PRTFDC1: variants seen among roughly 807,000 people sequenced by gnomAD.
PRTFDC1 encodes the protein phosphoribosyl transferase domain containing 1, also known as phosphoribosyltransferase domain-containing protein 1.
In PRTFDC1, 38 loss-of-function variants were observed where a neutral mutation model predicts 34.6. That is an observed-to-expected ratio of 1.10 (90% confidence interval 0.85 to 1.44). The LOEUF is 1.44. Among genes scored for constraint, PRTFDC1 ranks in the 40% most tolerant of loss-of-function variants. The pLI, the probability that PRTFDC1 is intolerant of heterozygous loss-of-function variation, is 0.00. For missense variants in PRTFDC1, 270 were observed against 283.0 expected (o/e 0.95, Z 0.33); for synonymous variants, 93 against 98.1 (o/e 0.95, Z 0.31).
At chr10:24,940,644 C>T (rs1419460901) in intron 2 of PRTFDC1, among the ~76,000 whole-genome samples, 2 of 152,170 alleles carry the variant, frequency 1.3e-5, no homozygotes, top group Non-Finnish European at 2.9e-5. Context: ...AAATAATTGG[C>T]AGTTTCTTAC....
chr10:24,949,487 C>T (rs1588629697), intron 1 of PRTFDC1, among the ~76,000 whole-genome samples: 1 of 152,186 alleles, frequency 6.6e-6, no homozygotes, highest in South Asian at 2.1e-4. Context: ...TCCCTTCCCT[C>T]CTGCCTTACA....
At chr10:24,859,432 G>A (rs957096691) in intron 4 of PRTFDC1, among the ~76,000 whole-genome samples, 2 of 152,136 alleles carry the variant, frequency 1.3e-5, no homozygotes, top group African/African-American at 4.8e-5. Flanking sequence ...GCTAATTTTT[G>A]TATTTTTAGT....
At chr10:24,869,609 A>C (rs1472386174) in intron 4 of PRTFDC1, among the ~76,000 whole-genome samples, 1 of 152,182 alleles carries the variant, frequency 6.6e-6, no homozygotes, top group Non-Finnish European at 1.5e-5. Context: ...GTGTTATGCC[A>C]AGGCATATTG....
At chr10:24,938,220 C>T (rs1457581530) in intron 2 of PRTFDC1, among the ~76,000 whole-genome samples, 1 of 150,938 alleles carries the variant, frequency 6.6e-6, no homozygotes, top group East Asian at 2.0e-4. Flanking sequence ...CAGAGCAAGG[C>T]TCCTTCTCAA....
At chr10:24,916,679 C>A (rs1848701024) in intron 3 of PRTFDC1, among the ~76,000 whole-genome samples, 1 of 152,150 alleles carries the variant, frequency 6.6e-6, no homozygotes, top group Admixed American at 6.5e-5. Flanking sequence ...CTTCTCTGAC[C>A]ACTCCCCACA....
At chr10:24,939,041 C>T (rs1231035998) in intron 2 of PRTFDC1, among the ~76,000 whole-genome samples, 2 of 152,038 alleles carry the variant, frequency 1.3e-5, no homozygotes, top group Non-Finnish European at 1.5e-5. Context: ...AAAAATAAAC[C>T]TCACAGACAT....
chr10:24,924,610 T>A (rs1467709573), intron 3 of PRTFDC1, among the ~76,000 whole-genome samples: 1 of 151,900 alleles, frequency 6.6e-6, no homozygotes, highest in East Asian at 1.9e-4. Context: ...ACAAAGAACT[T>A]AAACAAATTT....
intron 3 of PRTFDC1, among the ~76,000 whole-genome samples, chr10:24,923,883 G>T (rs559594211): frequency 6.6e-6 from 1 of 152,236 alleles, no homozygotes; most frequent in Non-Finnish European, 1.5e-5. Flanking sequence ...CTAACTCATC[G>T]CAAGGAAGCT....
chr10:24,941,527 G>C (rs1849157713), intron 2 of PRTFDC1, among the ~76,000 whole-genome samples: 1 of 151,954 alleles, frequency 6.6e-6, no homozygotes, highest in Non-Finnish European at 1.5e-5. Flanking sequence ...TATTTCAAAG[G>C]TGAAAACGGA....
chr10:24,882,296 T>C (rs1025360001), intron 3 of PRTFDC1, among the ~76,000 whole-genome samples: 1 of 152,118 alleles, frequency 6.6e-6, no homozygotes, highest in Non-Finnish European at 1.5e-5. Context: ...TGGCTTCCTC[T>C]GCATGGGTGC....
intron 3 of PRTFDC1, among the ~76,000 whole-genome samples, chr10:24,880,823 C>CTTTCTTTCTTTCTTTCT (rs1848060179): frequency 1.8e-5 from 2 of 113,448 alleles, no homozygotes; most frequent in East Asian, 2.2e-4. Flanking sequence ...CTCTTTCTTT[C>CTTTCTTTCTTTCTTTCT]TTTCTTTCTT....
intron 3 of PRTFDC1, chr10:24,908,676 G>C: frequency 6.2e-7 from 1 of 1,602,504 alleles, no homozygotes; most frequent in Non-Finnish European, 8.5e-7. Context: ...CTCTTCAACC[G>C]AGCACGCAGC....
At chr10:24,950,186 C>A (rs2478091) in intron 1 of PRTFDC1, among the ~76,000 whole-genome samples, 77,920 of 151,936 alleles carry the variant, frequency 0.51, 22,313 homozygotes, top group African/African-American at 0.78. Context: ...CTACTCTATC[C>A]GTGCATCTAG....
At chr10:24,907,919 A>G (rs1204826854) in intron 3 of PRTFDC1, among the ~76,000 whole-genome samples, 2 of 152,250 alleles carry the variant, frequency 1.3e-5, no homozygotes, top group Non-Finnish European at 2.9e-5. Flanking sequence ...ACAGAATAAA[A>G]GACTATTTCA....
intron 3 of PRTFDC1, among the ~76,000 whole-genome samples, chr10:24,935,591 AT>A (rs1404279350): frequency 6.6e-6 from 1 of 152,092 alleles, no homozygotes; most frequent in African/African-American, 2.4e-5. Flanking sequence ...ACCCTGCATA[AT>A]CCTCTCCACT....
intron 3 of PRTFDC1, chr10:24,908,382 A>ACATC (rs1271866205): frequency 1.6e-6 from 2 of 1,289,586 alleles, no homozygotes; most frequent in Non-Finnish European, 2.1e-6. Context: ...AAGAAGAAAT[A>ACATC]CATCATCCAG....
chr10:24,951,617 G>C, intron 1 of PRTFDC1: 1 of 985,398 alleles, frequency 1.0e-6, no homozygotes, highest in Non-Finnish European at 1.2e-6. Context: ...CCTGGAAAGA[G>C]ATGGCAAGTT....
rs147955654 is a variant in PRTFDC1 at position 24,885,882 on chromosome 10, G to A, written c.340-13819C>T. On this transcript the variant is annotated intron_variant, in intron 3 of 8. Coordinates refer to ENST00000320152, the MANE Select transcript of PRTFDC1 (RefSeq NM_020200.7). Reference sequence around the variant, plus strand: ...AAATGCATATTACTAAGTGAAAGAAGCCATTCTGAAAGGCCACACACTGTA... The same window carrying A: ...AAATGCATATTACTAAGTGAAAGAAACCATTCTGAAAGGCCACACACTGTA... Among the ~76,000 whole-genome samples the A allele has an allele frequency of 2.3e-3, 350 of 152,298 alleles. 1 individual carries two copies. Among genetic ancestry groups the A allele is most frequent in the African/African-American group, 7.9e-3 (327 of 41,556 alleles).
intron 3 of PRTFDC1, among the ~76,000 whole-genome samples, chr10:24,933,734 C>T (rs1421768280): frequency 6.7e-6 from 1 of 149,800 alleles, no homozygotes; most frequent in East Asian, 2.0e-4. Context: ...CATTCTGTTG[C>T]CCAGACTGGA....
Sources: allele counts gnomAD v4.1 joint callset (sites outside exome capture counted in the v4.1 genomes callset), GRCh38; gene constraint gnomAD v4.1.1; transcripts MANE v1.5; gene names NCBI Gene and HGNC (gene_info 2026-07-23, HGNC 2026-07-21).